RASA2: variants seen among roughly 807,000 people sequenced by gnomAD.
RASA2 encodes RAS p21 protein activator 2.
In RASA2, 155 loss-of-function variants were observed where a neutral mutation model predicts 118.2. The ratio of observed to expected loss-of-function variants is 1.31; its 90% CI spans 1.15 to 1.50. The LOEUF (loss-of-function observed/expected upper bound fraction) is 1.50. Among genes scored for constraint, RASA2 ranks in the 40% most tolerant of loss-of-function variants. The pLI is 0.00. For missense variants in RASA2, 1,016 were observed against 1,009.6 expected (o/e 1.01, Z -0.09); for synonymous variants, 353 against 349.1 (o/e 1.01, Z -0.12).
Position 141,577,048 on chromosome 3 carries a change from G to A in RASA2, c.1532G>A (p.Arg511His), listed in dbSNP as rs1335975011. 1.3e-5 allele frequency: 21 copies of A among 1,610,846 alleles called. No individual in the cohort carries two copies. The highest frequency in any genetic ancestry group is 2.7e-5 in the African/African-American group (2 of 74,620). Residue 511 changes from arginine to histidine, a missense_variant, in exon 15 of 24, where the codon CGT (arginine) becomes CAT (histidine). Arg to His is a conservative substitution (Grantham distance 29, BLOSUM62 0). Coordinates refer to ENST00000286364, the MANE Select transcript of RASA2 (RefSeq NM_006506.5). ...GCAGTGAGCAGCTTTGTATTTCTTC[G>A]TTTCTTTGCTGTAGCCGTAGTATCA... is the stretch of plus-strand genomic sequence containing the variant. ...YSAVSSFVFL[R>H]FFAVAVVSPH...
chr3:141,540,872 C>T (rs925489011), intron 5 of RASA2, among the ~76,000 whole-genome samples: 2 of 152,112 alleles, frequency 1.3e-5, no homozygotes, highest in Admixed American at 1.3e-4. Flanking sequence ...GGGTGTCTAA[C>T]TCTCTGGCAG....
chr3:141,540,831 GT>G (rs2082395312), intron 5 of RASA2, among the ~76,000 whole-genome samples: 1 of 152,112 alleles, frequency 6.6e-6, no homozygotes, highest in African/African-American at 2.4e-5. Context: ...TTGAATATGG[GT>G]TAAATGATAT....
At chr3:141,488,791 G>A (rs556400217) in intron 1 of RASA2, among the ~76,000 whole-genome samples, 12 of 152,186 alleles carry the variant, frequency 7.9e-5, no homozygotes, top group African/African-American at 2.6e-4. Context: ...ATGGGCCAAA[G>A]TTTCTCCCTT....
chr3:141,608,779 G>A (rs1256808866), intron 21 of RASA2, 82 bp downstream of exon 21: 35 of 1,415,532 alleles, frequency 2.5e-5, no homozygotes, highest in Non-Finnish European at 3.3e-5. Context: ...TCCATGAAAA[G>A]GAATGACATA....
Position 141,613,818 on chromosome 3 carries a change from G to A in RASA2, c.*1505G>A, listed in dbSNP as rs951534880. The A allele has an allele frequency of 6.6e-6, 1 of 152,120 alleles. No individual in the cohort carries two copies. Among genetic ancestry groups the A allele is most frequent in the African/African-American group, 2.4e-5 (1 of 41,434 alleles). 9.4% of individuals were successfully genotyped at this position (152,120 alleles called of 1,614,324 possible). The stretch of plus-strand genomic sequence containing the variant: ...AGTTGTTCCATAAAAGAATATAACT[G>A]AGCAATGTATTTCTCTAAATGACTT... On this transcript the variant is annotated 3_prime_UTR_variant, in exon 24 of 24. Transcript: ENST00000286364.
chr3:141,503,371 G>C (rs568604873), intron 1 of RASA2, among the ~76,000 whole-genome samples: 56 of 152,274 alleles, frequency 3.7e-4, no homozygotes, highest in Non-Finnish European at 7.1e-4. Context: ...TTTTGTCCTA[G>C]ATAAAATTTA....
At chr3:141,522,722 A>C (rs79633280) in intron 3 of RASA2, among the ~76,000 whole-genome samples, 3,377 of 152,072 alleles carry the variant, frequency 0.022, 136 homozygotes, top group African/African-American at 0.076. Flanking sequence ...ACTGCTTTTG[A>C]TACTGTGTGA....
intron 9 of RASA2, among the ~76,000 whole-genome samples, chr3:141,565,280 TG>T (rs1446206193): frequency 6.6e-6 from 1 of 152,242 alleles, no homozygotes; most frequent in Admixed American, 6.5e-5. Context: ...CCACCACACT[TG>T]ACCTTCAGGT....
At chr3:141,609,616 A>C in intron 22 of RASA2, 93 bp downstream of exon 22, 4 of 1,008,438 alleles carry the variant, frequency 4.0e-6, no homozygotes, top group South Asian at 2.2e-5. Flanking sequence ...GAAAATACTC[A>C]TAGATTTACC....
intron 2 of RASA2, 86 bp downstream of exon 2, chr3:141,512,366 G>T (rs2081964945): frequency 5.2e-6 from 5 of 960,694 alleles, no homozygotes; most frequent in Non-Finnish European, 7.7e-6. Context: ...TAATCAAGAA[G>T]ACAAGACAGA....
intron 19 of RASA2, among the ~76,000 whole-genome samples, chr3:141,590,532 T>C (rs1253866192): frequency 1.3e-5 from 2 of 152,248 alleles, no homozygotes; most frequent in Non-Finnish European, 2.9e-5. Context: ...GTCAGGACTT[T>C]CTCCTGTAAA....
rs772387345 is a variant in RASA2, at chr3:141,487,223, G to C, written c.133+7G>C. ...AGCCTGCGGGGCAAGATCTGTAAGC[G>C]GGGGCTGGGCTGAGGGGACGCCCTG... On this transcript the variant is annotated splice_region_variant and intron_variant, in intron 1 of 23. Transcript: ENST00000286364. 1 of 1,407,908 alleles carries C rather than the reference G, an allele frequency of 7.1e-7. No individual in the cohort carries two copies. 87.2% of individuals were successfully genotyped at this position (1,407,908 alleles called of 1,614,324 possible).
At chr3:141,589,361 A>G (rs941117429) in intron 19 of RASA2, among the ~76,000 whole-genome samples, 7 of 152,134 alleles carry the variant, frequency 4.6e-5, no homozygotes, top group African/African-American at 1.7e-4. Context: ...AATATTCTGA[A>G]GTATTTTTCG....
chr3:141,608,780 G>C (rs1340117231), intron 21 of RASA2, 83 bp downstream of exon 21: 1 of 1,412,982 alleles, frequency 7.1e-7, no homozygotes, highest in Admixed American at 1.9e-5. Context: ...CCATGAAAAG[G>C]AATGACATAC....
intron 8 of RASA2, among the ~76,000 whole-genome samples, chr3:141,559,591 G>A (rs2082700282): frequency 6.6e-6 from 1 of 152,004 alleles, no homozygotes; most frequent in African/African-American, 2.4e-5. Flanking sequence ...TAGTCTTATT[G>A]TAGTTTCTTT....
chr3:141,601,281 G>A (rs1463699289), intron 19 of RASA2, among the ~76,000 whole-genome samples: 1 of 152,016 alleles, frequency 6.6e-6, no homozygotes, highest in Non-Finnish European at 1.5e-5. Context: ...ACAAAAATTA[G>A]CTGTGCATGG....
intron 19 of RASA2, among the ~76,000 whole-genome samples, chr3:141,603,232 A>G (rs1166314632): frequency 6.6e-6 from 1 of 152,192 alleles, no homozygotes; most frequent in Non-Finnish European, 1.5e-5. Context: ...CCTTGGGGCC[A>G]ATATGTAGTT....
chr3:141,570,336 T>C (rs1376863602), intron 9 of RASA2, among the ~76,000 whole-genome samples: 1 of 152,040 alleles, frequency 6.6e-6, no homozygotes, highest in Non-Finnish European at 1.5e-5. Flanking sequence ...TTCTCCTGCC[T>C]CAGCCTCCCA....
chr3:141,537,701 A>G (rs1379208073), intron 4 of RASA2, among the ~76,000 whole-genome samples: 2 of 152,114 alleles, frequency 1.3e-5, no homozygotes, highest in African/African-American at 2.4e-5. Context: ...CCCGGGAGGC[A>G]GAGGTTGCAG....
Sources: gnomAD v4.1 joint callset for allele counts (sites outside exome capture counted in the v4.1 genomes callset) on GRCh38, gnomAD v4.1.1 for gene constraint, MANE v1.5 for transcripts, NCBI Gene and HGNC (gene_info 2026-07-23, HGNC 2026-07-21) for gene names.